ATP6V1A: variants seen among roughly 807,000 people sequenced by gnomAD.
ATP6V1A encodes the protein V-type proton ATPase catalytic subunit A.
ATP6V1A carries 18 observed loss-of-function variants against 70.1 expected under a neutral mutation model. The ratio of observed to expected loss-of-function variants is 0.26; its 90% confidence interval spans 0.18 to 0.38. ATP6V1A has a LOEUF of 0.38. Among genes scored for constraint, ATP6V1A ranks in the 10% least tolerant of loss-of-function variants. The pLI is 1.00. For synonymous variants in ATP6V1A, 232 were observed against 253.8 expected (o/e 0.91, Z 0.82); for missense variants, 424 against 772.4 (o/e 0.55, Z 5.35).
intron 14 of ATP6V1A, among the ~76,000 whole-genome samples, chr3:113,807,621 A>G (rs1362920997): frequency 6.6e-6 from 1 of 152,224 alleles, no homozygotes; most frequent in Non-Finnish European, 1.5e-5. Flanking sequence ...ACAGAGTGAA[A>G]AAACTTCCAT....
chr3:113,777,646 G>A (rs1414121362), intron 1 of ATP6V1A, among the ~76,000 whole-genome samples: 1 of 152,208 alleles, frequency 6.6e-6, no homozygotes, highest in Non-Finnish European at 1.5e-5. Flanking sequence ...CCAGGTACTA[G>A]GGAGGATGAG....
chr3:113,756,273 A>G (rs575243319), intron 1 of ATP6V1A, among the ~76,000 whole-genome samples: 5 of 152,214 alleles, frequency 3.3e-5, no homozygotes, highest in Non-Finnish European at 7.3e-5. Flanking sequence ...CAGCCTCCAT[A>G]TTAATGGACA....
At chr3:113,748,143 A>G (rs772103650) in intron 1 of ATP6V1A, among the ~76,000 whole-genome samples, 1 of 152,094 alleles carries the variant, frequency 6.6e-6, no homozygotes, top group Non-Finnish European at 1.5e-5. Flanking sequence ...CCCATTTGTA[A>G]AACTCCCGGT....
Position 113,811,603 on chromosome 3 carries a change from T to C in ATP6V1A, c.*2176T>C, listed in dbSNP as rs571905689. ...ATGAAGAAAGTTTGACCAAATTTGT[T>C]TTTTTGTTGTTGTTGTTGTTTTGAA... On this transcript the variant is annotated 3_prime_UTR_variant, in exon 15 of 15. Transcript: ENST00000273398. 6.5e-6 allele frequency: 1 copy of C among 152,750 alleles called. No homozygotes were observed. The highest frequency in any genetic ancestry group is 2.4e-5 in the African/African-American group (1 of 41,564). 9.5% of individuals were successfully genotyped at this position (152,750 alleles called of 1,614,324 possible). A position where few individuals can be genotyped will look rare whatever the true frequency, so the allele number is the denominator to read the frequency against.
intron 1 of ATP6V1A, among the ~76,000 whole-genome samples, chr3:113,774,882 T>C (rs1708890468): frequency 6.6e-6 from 1 of 152,068 alleles, no homozygotes; most frequent in African/African-American, 2.4e-5. Context: ...CAGTACTCAC[T>C]CATACAGCAT....
At chr3:113,776,389 T>TA (rs1053492552) in intron 1 of ATP6V1A, among the ~76,000 whole-genome samples, 15 of 152,110 alleles carry the variant, frequency 9.9e-5, no homozygotes, top group Admixed American at 7.2e-4. Context: ...AACAAAAACT[T>TA]ACTTTACAGC....
intron 1 of ATP6V1A, among the ~76,000 whole-genome samples, chr3:113,750,589 G>A (rs1708574625): frequency 6.6e-6 from 1 of 152,232 alleles, no homozygotes; most frequent in African/African-American, 2.4e-5. Context: ...AGACCTAGTT[G>A]AAGTTCTGGC....
intron 5 of ATP6V1A, among the ~76,000 whole-genome samples, chr3:113,785,676 T>C (rs1342270183): frequency 7.0e-6 from 1 of 142,134 alleles, no homozygotes; most frequent in Non-Finnish European, 1.5e-5. Flanking sequence ...GCCCAGTTAA[T>C]TTTTTTTTTT....
Position 113,762,561 on chromosome 3 carries a change from T to TC in ATP6V1A, c.-14+15450dup, listed in dbSNP as rs374824940. ...CGATCCTAGGCAACAAGAGCAAAAC[T>TC]CCATCTCAAAAAAAAAAATGGTAAA... is the stretch of plus-strand genomic sequence containing the variant. On this transcript the variant is annotated intron_variant, in intron 1 of 14. Coordinates refer to ENST00000273398, the MANE Select transcript of ATP6V1A (RefSeq NM_001690.4). Among the ~76,000 whole-genome samples, 445 of 151,138 alleles carry TC rather than the reference T, an allele frequency of 2.9e-3. 2 individuals are homozygous for TC. Among genetic ancestry groups the TC allele is most frequent in the Non-Finnish European group, 5.5e-3 (374 of 67,840 alleles).
At chr3:113,775,070 G>T (rs1158765968) in intron 1 of ATP6V1A, among the ~76,000 whole-genome samples, 2 of 152,016 alleles carry the variant, frequency 1.3e-5, no homozygotes, top group Admixed American at 1.3e-4. Context: ...ATAGTAATTG[G>T]AAAAAATAGG....
chr3:113,794,817 A>C, intron 8 of ATP6V1A, 55 bp from the exon 9 acceptor site: 7 of 1,552,772 alleles, frequency 4.5e-6, no homozygotes, highest in Non-Finnish European at 5.2e-6. Flanking sequence ...GTGGAAAAAA[A>C]CAGGATTTTT....
chr3:113,803,512 T>A (rs1709238959), intron 12 of ATP6V1A, 71 bp from the exon 13 acceptor site: 2 of 1,124,100 alleles, frequency 1.8e-6, no homozygotes, highest in African/African-American at 3.1e-5. Context: ...TAGTTTCTGC[T>A]TGTTAATTAA....
intron 1 of ATP6V1A, among the ~76,000 whole-genome samples, chr3:113,751,348 T>G (rs183964579): frequency 1.7e-3 from 252 of 152,020 alleles, no homozygotes; most frequent in African/African-American, 5.8e-3. Flanking sequence ...TATCAGCAAA[T>G]TAAACAGTAA....
intron 1 of ATP6V1A, among the ~76,000 whole-genome samples, chr3:113,756,475 TG>T (rs11290158): frequency 0.34 from 52,066 of 151,990 alleles, 9,004 homozygotes; most frequent in East Asian, 0.36. Flanking sequence ...CTTAGTAATT[TG>T]CCAAAATCTG....
At chr3:113,758,527 GCTGA>G (rs1443514541) in intron 1 of ATP6V1A, among the ~76,000 whole-genome samples, 6 of 152,158 alleles carry the variant, frequency 3.9e-5, no homozygotes, top group East Asian at 3.9e-4. Flanking sequence ...TATTTTCCTT[GCTGA>G]CTATTATTCC....
intron 1 of ATP6V1A, among the ~76,000 whole-genome samples, chr3:113,767,756 A>G (rs1258726661): frequency 3.9e-5 from 6 of 152,092 alleles, no homozygotes; most frequent in East Asian, 1.9e-4. Flanking sequence ...GGTTCAAGCA[A>G]TTCTCTGCCT....
At chr3:113,795,973 C>T (rs1393811490) in intron 11 of ATP6V1A, 34 bp downstream of exon 11, 10 of 1,534,146 alleles carry the variant, frequency 6.5e-6, no homozygotes, top group Non-Finnish European at 8.9e-6. Flanking sequence ...AACTTCTGAG[C>T]CTTTCCTCCT....
At chr3:113,792,807 T>G (rs1256313441) in intron 8 of ATP6V1A, among the ~76,000 whole-genome samples, 2 of 152,226 alleles carry the variant, frequency 1.3e-5, no homozygotes, top group African/African-American at 2.4e-5. Context: ...TTATGATAAT[T>G]ATCAAAGATA....
At chr3:113,774,777 C>A (rs1166751583) in intron 1 of ATP6V1A, among the ~76,000 whole-genome samples, 5 of 150,764 alleles carry the variant, frequency 3.3e-5, no homozygotes, top group African/African-American at 1.2e-4. Flanking sequence ...TGCACCACTG[C>A]ACTCCAGCCT....
Sources: allele counts gnomAD v4.1 joint callset (sites outside exome capture counted in the v4.1 genomes callset), GRCh38; gene constraint gnomAD v4.1.1; transcripts MANE v1.5; gene names NCBI Gene and HGNC (gene_info 2026-07-23, HGNC 2026-07-21).